Variants in PDE11A observed in about 807,000 individuals in gnomAD.
PDE11A encodes dual 3',5'-cyclic-AMP and -GMP phosphodiesterase 11A.
A neutral mutation model predicts 100.5 loss-of-function variants in PDE11A; 100 were observed. That is an observed-to-expected ratio of 1.00 (90% CI 0.85 to 1.18). The LOEUF is 1.18. Among genes scored for constraint, PDE11A ranks in the 50% most tolerant of loss-of-function variants. The pLI, the probability that PDE11A is intolerant of heterozygous loss-of-function variation, is 0.00. For synonymous variants in PDE11A, 381 were observed against 420.8 expected, an observed-to-expected ratio of 0.91 and a Z score of 1.16; for missense variants, 1,141 against 1,152.6, an observed-to-expected ratio of 0.99 and a Z score of 0.15.
chr2:177,726,830 T>G (rs2081606603), intron 12 of PDE11A, among the ~76,000 whole-genome samples: 1 of 152,052 alleles, frequency 6.6e-6, no homozygotes, highest in African/African-American at 2.4e-5. Flanking sequence ...TCTTTTTTTT[T>G]GTATGGCAAT....
At chr2:177,984,975 T>A (rs2085924480) in intron 2 of PDE11A, among the ~76,000 whole-genome samples, 1 of 152,226 alleles carries the variant, frequency 6.6e-6, no homozygotes, top group South Asian at 2.1e-4. Context: ...ACATTCTGTG[T>A]CTCTATGTAG....
At chr2:177,751,153 G>A (rs2082020607) in intron 10 of PDE11A, among the ~76,000 whole-genome samples, 1 of 149,792 alleles carries the variant, frequency 6.7e-6, no homozygotes, top group Non-Finnish European at 1.5e-5. Context: ...GCTCTCCAAA[G>A]CTCTGATGTG....
intron 10 of PDE11A, among the ~76,000 whole-genome samples, chr2:177,730,310 A>G (rs763107727): frequency 2.6e-5 from 4 of 152,044 alleles, no homozygotes; most frequent in Non-Finnish European, 5.9e-5. Context: ...CCCACCTATG[A>G]GTGAGAACAT....
At chr2:177,834,774 T>C (rs2083366056) in intron 6 of PDE11A, among the ~76,000 whole-genome samples, 1 of 152,210 alleles carries the variant, frequency 6.6e-6, no homozygotes, top group Admixed American at 6.5e-5. Flanking sequence ...CCTAAGCTTT[T>C]TTTTCTTCCT....
chr2:177,928,866 A>G (rs2085167501), intron 2 of PDE11A, among the ~76,000 whole-genome samples: 2 of 151,130 alleles, frequency 1.3e-5, no homozygotes, highest in Non-Finnish European at 3.0e-5. Flanking sequence ...CTGTCTCAAA[A>G]AAAAATAAAT....
chr2:177,717,275 C>T (rs1279796863), intron 12 of PDE11A, among the ~76,000 whole-genome samples: 2 of 152,100 alleles, frequency 1.3e-5, no homozygotes, highest in Non-Finnish European at 2.9e-5. Context: ...AAAATGCCCA[C>T]CTGCCACTAA....
chr2:177,700,661 C>A (rs557904395), intron 14 of PDE11A, among the ~76,000 whole-genome samples: 1 of 152,182 alleles, frequency 6.6e-6, no homozygotes, highest in Non-Finnish European at 1.5e-5. Context: ...ATTTTAAGTT[C>A]TTTTAAGTTG....
At position 178,072,333 on chromosome 2, in the gene PDE11A, A is replaced by G. The variant is rs756839119; in HGVS notation, c.105T>C (p.Val35=). The change falls in exon 1 of 20, where the codon GTT becomes GTC. Residue 35 remains valine, a synonymous_variant. Coordinates refer to ENST00000286063, the MANE Select transcript of PDE11A (RefSeq NM_016953.4). ...GACTGTGCCTCTGCAGCCACTTTTC[A>G]ACCATCTCCTGCTTCCCCTTCCGCA... ...YLMRKGKQEM[V]EKWLQRHSQG... The G allele has an allele frequency of 1.9e-5, 30 of 1,614,062 alleles. No homozygotes were observed. The South Asian group carries it at 3.2e-4, about 17-fold the overall frequency.
chr2:177,790,585 T>C (rs1209019619), intron 9 of PDE11A, among the ~76,000 whole-genome samples: 6 of 152,292 alleles, frequency 3.9e-5, no homozygotes, highest in South Asian at 2.1e-4. Context: ...AAGAAACTAC[T>C]ATCAGAATGA....
chr2:177,650,030 C>A (rs2080285362), intron 19 of PDE11A, among the ~76,000 whole-genome samples: 1 of 152,128 alleles, frequency 6.6e-6, no homozygotes, highest in Non-Finnish European at 1.5e-5. Context: ...TAGTGCTTTA[C>A]CACCATAATT....
At chr2:178,050,879 G>T (rs13394480) in intron 1 of PDE11A, among the ~76,000 whole-genome samples, 44,009 of 151,892 alleles carry the variant, frequency 0.29, 6,481 homozygotes, top group Non-Finnish European at 0.31. Flanking sequence ...ATCTACGTCT[G>T]ATTGGTATAC....
At chr2:177,924,728 C>CTTT (rs71410770) in intron 2 of PDE11A, among the ~76,000 whole-genome samples, 1 of 143,408 alleles carries the variant, frequency 7.0e-6, no homozygotes, top group Non-Finnish European at 1.5e-5. Flanking sequence ...GTTAAGCTTT[C>CTTT]TTTTTTTTTT....
chr2:177,886,549 C>T (rs1430723297), intron 4 of PDE11A, among the ~76,000 whole-genome samples: 1 of 152,038 alleles, frequency 6.6e-6, no homozygotes, highest in Non-Finnish European at 1.5e-5. Flanking sequence ...ATATAAAGGC[C>T]ATAAAACATA....
chr2:177,952,585 T>C (rs1329379643), intron 2 of PDE11A, among the ~76,000 whole-genome samples: 1 of 152,200 alleles, frequency 6.6e-6, no homozygotes, highest in Middle Eastern at 3.2e-3. Context: ...CTGGTTCAGC[T>C]TTCTTTCTTT....
At chr2:177,697,123 T>C (rs1204327992) in intron 15 of PDE11A, among the ~76,000 whole-genome samples, 2 of 152,170 alleles carry the variant, frequency 1.3e-5, no homozygotes, top group South Asian at 2.1e-4. Context: ...AAAATAGAAA[T>C]CTTGTGACTG....
chr2:177,634,153 A>C lies in PDE11A; in HGVS notation c.2647-4591T>G, dbSNP rs540396876. ...ATTTAAGTTTATTTGGCATAGCCCC[A>C]AACAGCTTTCTTCCCTTTATCCTTG... On this transcript the variant is annotated intron_variant, in intron 19 of 19. Transcript: ENST00000286063. 1.9e-3 allele frequency among the ~76,000 whole-genome samples: 290 copies of C among 152,248 alleles called. 2 individuals carry two copies. Among genetic ancestry groups the C allele is most frequent in the African/African-American group, 6.8e-3 (281 of 41,536 alleles).
intron 1 of PDE11A, among the ~76,000 whole-genome samples, chr2:178,020,751 T>C (rs1159557829): frequency 1.3e-5 from 2 of 151,960 alleles, no homozygotes; most frequent in East Asian, 1.9e-4. Context: ...GGAGCCAAGA[T>C]TGCGCCACTG....
intron 6 of PDE11A, among the ~76,000 whole-genome samples, chr2:177,830,446 G>A (rs560117610): frequency 1.6e-3 from 236 of 151,652 alleles, no homozygotes; most frequent in Non-Finnish European, 2.7e-3. Context: ...CTAAAAATAC[G>A]AAAAATTAGC....
chr2:177,987,466 G>A (rs1281946477), intron 2 of PDE11A, among the ~76,000 whole-genome samples: 2 of 152,182 alleles, frequency 1.3e-5, no homozygotes, highest in East Asian at 1.9e-4. Flanking sequence ...TTATCTCAAA[G>A]TGGGGATAAT....
Sources: gnomAD v4.1 joint callset for allele counts (sites outside exome capture counted in the v4.1 genomes callset) on GRCh38, gnomAD v4.1.1 for gene constraint, MANE v1.5 for transcripts, NCBI Gene and HGNC (gene_info 2026-07-23, HGNC 2026-07-21) for gene names.